SLIT2: variants seen among roughly 807,000 people sequenced by gnomAD.
SLIT2 encodes slit guidance ligand 2.
SLIT2 carries 41 observed loss-of-function variants against 185.7 expected under a neutral mutation model. The ratio of observed to expected loss-of-function variants is 0.22; its 90% CI spans 0.17 to 0.29. The LOEUF is 0.29. SLIT2 is among the 10% of genes least tolerant of loss of function. The pLI, the probability that SLIT2 is intolerant of heterozygous loss-of-function variation, is 1.00. For missense variants in SLIT2, 1,571 were observed against 1,909.0 expected (o/e 0.82, Z 3.30); for synonymous variants, 693 against 680.2 (o/e 1.02, Z -0.29).
chr4:20,542,616 G>A lies in SLIT2; in HGVS notation c.2266G>A (p.Val756Ile). ...CTTGCCGAAAGGTATTCCAAGAGAT[G>A]TCACAGAGTTGTAAGTAGAGCTTGT... ...KVLPKGIPRDVTELYLDGNQF... is the reference protein window; with the variant it reads ...KVLPKGIPRDITELYLDGNQF... The change falls in exon 21 of 37, where the codon GTC becomes ATC. Residue 756 changes from valine to isoleucine, a missense_variant. By Grantham distance (29) the Val-to-Ile change is conservative. Transcript: ENST00000504154. 1 of 1,613,740 alleles carries A rather than the reference G, an allele frequency of 6.2e-7. No homozygotes were observed. The highest frequency in any genetic ancestry group is 2.2e-5 in the East Asian group (1 of 44,864).
chr4:20,618,495 T>A (rs1560246610), intron 36 of SLIT2, among the ~76,000 whole-genome samples: 1 of 152,222 alleles, frequency 6.6e-6, no homozygotes, highest in Non-Finnish European at 1.5e-5. Flanking sequence ...TTTTCCTTTT[T>A]TGCAATGAAA....
At chr4:20,550,181 C>G (rs936922249) in intron 24 of SLIT2, among the ~76,000 whole-genome samples, 1 of 151,982 alleles carries the variant, frequency 6.6e-6, no homozygotes. Flanking sequence ...AGTTATTCTG[C>G]GTTCCTGTCT....
chr4:20,575,560 C>T (rs1726017459), intron 29 of SLIT2, among the ~76,000 whole-genome samples: 1 of 152,186 alleles, frequency 6.6e-6, no homozygotes, highest in South Asian at 2.1e-4. Context: ...GGCCCCAAAG[C>T]ATGCACTTTG....
chr4:20,472,208 A>ATG (rs199908862), intron 5 of SLIT2, among the ~76,000 whole-genome samples: 3,841 of 128,308 alleles, frequency 0.03, 261 homozygotes, highest in African/African-American at 0.052. Context: ...TGCTTTAGAA[A>ATG]TGTGTGTGTG....
At chr4:20,481,278 A>G (rs2148779177) in intron 6 of SLIT2, among the ~76,000 whole-genome samples, 1 of 152,256 alleles carries the variant, frequency 6.6e-6, no homozygotes, top group South Asian at 2.1e-4. Flanking sequence ...TCCATTTTCA[A>G]GTCTTCACCA....
intron 15 of SLIT2, among the ~76,000 whole-genome samples, chr4:20,526,624 G>A (rs1721319206): frequency 6.6e-6 from 1 of 152,150 alleles, no homozygotes; most frequent in Non-Finnish European, 1.5e-5. Flanking sequence ...CAAAAGTCAG[G>A]TTGTTTTCAT....
At chr4:20,422,306 A>G (rs528535627) in intron 4 of SLIT2, among the ~76,000 whole-genome samples, 10 of 152,332 alleles carry the variant, frequency 6.6e-5, no homozygotes, top group African/African-American at 1.9e-4. Flanking sequence ...CATAGCTGGA[A>G]TAGTTAACAT....
rs1010804779 is a variant in SLIT2, at chr4:20,252,911, C to T, written c.-905C>T. ...ACTCAGTCTTCGCAGCAGCTCTCATCCTCCACTTGGCCTCTTGGAGTTCCT... is the reference window on the plus strand; with the variant it reads ...ACTCAGTCTTCGCAGCAGCTCTCATTCTCCACTTGGCCTCTTGGAGTTCCT... On this transcript the variant is annotated 5_prime_UTR_variant, in exon 1 of 37. Transcript: ENST00000504154. Among the ~76,000 whole-genome samples, 2 of 152,186 alleles carry T rather than the reference C, an allele frequency of 1.3e-5. No homozygotes were observed. Among genetic ancestry groups the T allele is most frequent in the African/African-American group, 4.8e-5 (2 of 41,448 alleles).
At chr4:20,477,244 G>C (rs558577191) in intron 5 of SLIT2, among the ~76,000 whole-genome samples, 1 of 151,478 alleles carries the variant, frequency 6.6e-6, no homozygotes, top group East Asian at 1.9e-4. Context: ...GCCCAGGTGG[G>C]AGTGCAATGT....
At position 20,254,016 on chromosome 4, in the gene SLIT2, T is replaced by G. The variant is rs1255827057; in HGVS notation, c.179+22T>G. The G allele has an allele frequency of 1.9e-6, 3 of 1,589,694 alleles. No individual in the cohort carries two copies. Among genetic ancestry groups the G allele is most frequent in the Non-Finnish European group, 2.6e-6 (3 of 1,171,216 alleles). The stretch of plus-strand genomic sequence containing the variant: ...GACTGTGAGTATGCGCTCTTCGTCT[T>G]CCCCTCTCCCCATCCGGGCCGCGCA... On this transcript the variant is annotated intron_variant, in intron 1 of 36. Coordinates refer to ENST00000504154, the MANE Select transcript of SLIT2 (RefSeq NM_004787.4). This position sits in a 1 kb window ranked among gnomAD's most constrained non-coding sequence, Gnocchi z 5.1.
rs1393124550 is a variant in SLIT2 at position 20,528,123 on chromosome 4, A to G, written c.1463-826A>G. On this transcript the variant is annotated intron_variant, in intron 15 of 36. Coordinates refer to ENST00000504154, the MANE Select transcript of SLIT2 (RefSeq NM_004787.4). The surrounding 1 kb of genome is among the most constrained non-coding windows in gnomAD (Gnocchi z 4.2). ...CCCTTCTTTGTGTTTCCAGGAAATCATCGGTAGTAATACTCTTACTGTGGT... is the reference window on the plus strand; with the variant it reads ...CCCTTCTTTGTGTTTCCAGGAAATCGTCGGTAGTAATACTCTTACTGTGGT... 5.3e-5 allele frequency among the ~76,000 whole-genome samples: 8 copies of G among 152,164 alleles called. No individual in the cohort carries two copies. The highest frequency in any genetic ancestry group is 7.3e-5 in the Non-Finnish European group (5 of 68,046).
chr4:20,421,864 G>A (rs913179989), intron 4 of SLIT2, among the ~76,000 whole-genome samples: 3 of 152,052 alleles, frequency 2.0e-5, no homozygotes, highest in African/African-American at 7.2e-5. Flanking sequence ...GCATGTGCAT[G>A]CAAGATTGCT....
At chr4:20,525,234 G>A in intron 15 of SLIT2, 62 bp downstream of exon 15, 1 of 1,276,970 alleles carries the variant, frequency 7.8e-7, no homozygotes, top group Non-Finnish European at 1.1e-6. Context: ...ATAAAATATA[G>A]CTTCTAAAAC....
Position 20,618,768 on chromosome 4 carries a change from A to C in SLIT2, c.4349A>C (p.Glu1450Ala), listed in dbSNP as rs1248491157. ...GCTTGTGCTTTTTGTTCTTTTCTAG[A>C]AATCTCTTGTCGAGGGGAAAGGATA... is the stretch of plus-strand genomic sequence containing the variant. ...SGYTGDSCDR[E>A]ISCRGERIRD... The change falls in exon 37 of 37, where the codon GAA (glutamate) becomes GCA (alanine). Residue 1450 changes from glutamate to alanine, a missense_variant and splice_region_variant. Glu to Ala is a moderately radical substitution (Grantham distance 107, BLOSUM62 -1). This residue lies in a region of SLIT2 where 223 missense variants were observed against 245.2 expected (regional missense o/e 0.91). Coordinates refer to ENST00000504154, the MANE Select transcript of SLIT2 (RefSeq NM_004787.4). The C allele has an allele frequency of 2.5e-6, 4 of 1,579,894 alleles. No individual in the cohort carries two copies. In the East Asian group the frequency reaches 9.1e-5, roughly 36 times the overall value.
At position 20,610,475 on chromosome 4, in the gene SLIT2, G is replaced by C. The variant is rs151044032; in HGVS notation, c.3847+308G>C. ...CATTATATAATTTAATCTTATATTT[G>C]ATCTGGTCTATGGAAAAGGAAAGTT... is the stretch of plus-strand genomic sequence containing the variant. On this transcript the variant is annotated intron_variant, in intron 34 of 36. Coordinates refer to ENST00000504154, the MANE Select transcript of SLIT2 (RefSeq NM_004787.4). Among the ~76,000 whole-genome samples the C allele has an allele frequency of 1.3e-5, 2 of 152,146 alleles. 1 individual carries two copies. The highest frequency in any genetic ancestry group is 4.8e-5 in the African/African-American group (2 of 41,518).
At chr4:20,582,161 T>C (rs910790599) in intron 29 of SLIT2, among the ~76,000 whole-genome samples, 18 of 152,210 alleles carry the variant, frequency 1.2e-4, no homozygotes, top group African/African-American at 4.3e-4. Flanking sequence ...CCAGCCAGCC[T>C]CTGGGGCTCC....
chr4:20,266,456 G>A (rs544553046), intron 3 of SLIT2, among the ~76,000 whole-genome samples: 2 of 152,036 alleles, frequency 1.3e-5, no homozygotes, highest in African/African-American at 4.8e-5. Context: ...CAAACCCAAG[G>A]CAGGTGCCTC....
intron 4 of SLIT2, among the ~76,000 whole-genome samples, chr4:20,278,688 A>G (rs1714419377): frequency 6.6e-6 from 1 of 152,124 alleles, no homozygotes. Flanking sequence ...AAAAGAGTGA[A>G]AGACAAGAGA....
rs201370366 is a variant in SLIT2 at position 20,546,048 on chromosome 4, A to T, written c.2294A>T (p.Gln765Leu). Reference protein sequence around the residue: ...DVTELYLDGNQFTLVPKELSN... With the variant: ...DVTELYLDGNLFTLVPKELSN... ...GTTTTTAGGTATCTGGATGGAAACCAATTTACACTGGTTCCCAAGGAACTC... is the reference window on the plus strand; with the variant it reads ...GTTTTTAGGTATCTGGATGGAAACCTATTTACACTGGTTCCCAAGGAACTC... The change falls in exon 22 of 37, where the codon CAA becomes CTA. Residue 765 changes from glutamine to leucine, a missense_variant. Physicochemically the swap from Gln to Leu is moderately radical, Grantham distance 113 (BLOSUM62 -2). This residue lies in a region of SLIT2 where 1,202 missense variants were observed against 1,416.4 expected (regional missense o/e 0.85). Transcript: ENST00000504154. 2 of 1,579,066 alleles carry T rather than the reference A, an allele frequency of 1.3e-6. No homozygotes were observed. The highest frequency in any genetic ancestry group is 2.7e-5 in the African/African-American group (2 of 74,244).
Sources: gnomAD v4.1 joint callset for allele counts (sites outside exome capture counted in the v4.1 genomes callset) on GRCh38, gnomAD v4.1.1 for gene constraint, gnomAD v4.1.1 regional missense constraint, Gnocchi (gnomAD v3.1) non-coding constraint, MANE v1.5 for transcripts, NCBI Gene and HGNC (gene_info 2026-07-23, HGNC 2026-07-21) for gene names.